CACNA2D3: variants seen among roughly 807,000 people sequenced by gnomAD.
CACNA2D3 encodes voltage-dependent calcium channel subunit alpha-2/delta-3.
Under a neutral mutation model 160.6 loss-of-function variants are expected in CACNA2D3, and 60 were observed. The ratio of observed to expected loss-of-function variants is 0.37; its 90% confidence interval spans 0.30 to 0.46. The LOEUF is 0.46. Among genes scored for constraint, CACNA2D3 ranks in the 20% least tolerant of loss-of-function variants. The probability of loss-of-function intolerance (pLI) is 1.00; values close to 1 mark genes in which losing one functional copy is unlikely to be tolerated. For missense variants in CACNA2D3, 1,205 were observed against 1,365.0 expected, an observed-to-expected ratio of 0.88 and a Z score of 1.85; for synonymous variants, 558 against 492.9, an observed-to-expected ratio of 1.13 and a Z score of -1.75.
intron 3 of CACNA2D3, among the ~76,000 whole-genome samples, chr3:54,371,320 G>A (rs949101053): frequency 1.3e-5 from 2 of 151,964 alleles, no homozygotes; most frequent in Non-Finnish European, 1.5e-5. Flanking sequence ...TACATTTCTA[G>A]GAACACTTTA....
chr3:54,504,638 A>G (rs1330710882), intron 5 of CACNA2D3, among the ~76,000 whole-genome samples: 1 of 152,186 alleles, frequency 6.6e-6, no homozygotes, highest in Non-Finnish European at 1.5e-5. Flanking sequence ...TGGAATCTTC[A>G]AAGTAAAAAA....
At chr3:54,277,480 G>C (rs1194983866) in intron 2 of CACNA2D3, among the ~76,000 whole-genome samples, 1 of 152,048 alleles carries the variant, frequency 6.6e-6, no homozygotes, top group African/African-American at 2.4e-5. Flanking sequence ...CTGTTCCATT[G>C]GTCTATATAT....
At chr3:54,622,239 A>T (rs1341737834) in intron 9 of CACNA2D3, among the ~76,000 whole-genome samples, 1 of 152,180 alleles carries the variant, frequency 6.6e-6, no homozygotes, top group Non-Finnish European at 1.5e-5. Context: ...TATAACCAGC[A>T]CTGGAACTCA....
intron 35 of CACNA2D3, among the ~76,000 whole-genome samples, chr3:55,038,114 A>T (rs749983009): frequency 1.1e-4 from 17 of 152,184 alleles, no homozygotes; most frequent in Admixed American, 3.3e-4. Context: ...GTGCTGTTTT[A>T]TCCAAATAGA....
intron 11 of CACNA2D3, among the ~76,000 whole-genome samples, chr3:54,676,858 T>C (rs1264274731): frequency 2.6e-5 from 4 of 152,296 alleles, no homozygotes; most frequent in Non-Finnish European, 5.9e-5. Context: ...CCATCTCCCT[T>C]GCATTTAACT....
At chr3:54,477,180 T>C (rs1358803240) in intron 4 of CACNA2D3, among the ~76,000 whole-genome samples, 1 of 152,114 alleles carries the variant, frequency 6.6e-6, no homozygotes, top group Non-Finnish European at 1.5e-5. Context: ...TTAGCTCATA[T>C]GTAAAGTGAT....
intron 2 of CACNA2D3, among the ~76,000 whole-genome samples, chr3:54,279,909 C>G (rs10446477): frequency 1.3e-5 from 2 of 151,902 alleles, no homozygotes; most frequent in Admixed American, 6.6e-5. Context: ...CATTTTTACA[C>G]GAAGCAAAGG....
In CACNA2D3 at chr3:54,709,011, CT is replaced by C. The variant is rs35102613; in HGVS notation, c.1168-43573del. Reference sequence around the variant, plus strand: ...AACCTAATTCTATACCCATCTTCATCTTTTTTTTTTTTTTTCAAGATGGAGT... The same window carrying C: ...AACCTAATTCTATACCCATCTTCATCTTTTTTTTTTTTTTCAAGATGGAGT... On this transcript the variant is annotated intron_variant, in intron 11 of 37. Coordinates refer to ENST00000474759, the MANE Select transcript of CACNA2D3 (RefSeq NM_018398.3). Among the ~76,000 whole-genome samples, 481 of 142,006 alleles carry C rather than the reference CT, an allele frequency of 3.4e-3. 1 individual carries two copies. Among genetic ancestry groups the C allele is most frequent in the African/African-American group, 3.7e-3 (140 of 38,246 alleles). The allele number at this position is 142,006 out of a possible 152,430, so 93.2% of individuals were successfully genotyped here. A position where few individuals can be genotyped will look rare whatever the true frequency, so the allele number is the denominator to read the frequency against.
At chr3:54,407,844 G>T (rs944399130) in intron 4 of CACNA2D3, among the ~76,000 whole-genome samples, 5 of 152,142 alleles carry the variant, frequency 3.3e-5, no homozygotes, top group African/African-American at 1.2e-4. Flanking sequence ...TTCATTCCCA[G>T]CTGGACCATT....
At chr3:54,653,295 C>A (rs760787846) in intron 11 of CACNA2D3, among the ~76,000 whole-genome samples, 1 of 152,214 alleles carries the variant, frequency 6.6e-6, no homozygotes, top group Non-Finnish European at 1.5e-5. Context: ...CTATTTCTCA[C>A]TGCTGTTTCA....
intron 9 of CACNA2D3, among the ~76,000 whole-genome samples, chr3:54,586,947 A>G (rs932122880): frequency 6.6e-6 from 1 of 152,086 alleles, no homozygotes; most frequent in African/African-American, 2.4e-5. Context: ...GTCTTAAAAG[A>G]AATTAAAAAA....
rs370438389 is a variant in CACNA2D3 at position 54,363,173 on chromosome 3, G to A, written c.322-23542G>A. Reference sequence around the variant, plus strand: ...TTGCGCCACTGCACTCCAGCCTAGCGATAGAGCGAGACTCCATCTCCAAAT... The same window carrying A: ...TTGCGCCACTGCACTCCAGCCTAGCAATAGAGCGAGACTCCATCTCCAAAT... On this transcript the variant is annotated intron_variant, in intron 3 of 37. Transcript: ENST00000474759. 9.2e-5 allele frequency among the ~76,000 whole-genome samples: 14 copies of A among 151,590 alleles called. No individual in the cohort carries two copies. The South Asian group carries it at 2.5e-3, about 27-fold the overall frequency.
At chr3:54,825,238 C>T (rs1237979118) in intron 14 of CACNA2D3, among the ~76,000 whole-genome samples, 2 of 152,052 alleles carry the variant, frequency 1.3e-5, no homozygotes, top group Non-Finnish European at 2.9e-5. Flanking sequence ...CTTACATCCT[C>T]GAAGATATAA....
chr3:54,895,839 C>G (rs1700175854), intron 25 of CACNA2D3, among the ~76,000 whole-genome samples: 1 of 152,190 alleles, frequency 6.6e-6, no homozygotes, highest in Non-Finnish European at 1.5e-5. Context: ...GAGGGAATGT[C>G]AGGTCAATAA....
At chr3:54,521,373 T>A (rs1701643852) in intron 5 of CACNA2D3, among the ~76,000 whole-genome samples, 1 of 152,204 alleles carries the variant, frequency 6.6e-6, no homozygotes, top group Admixed American at 6.5e-5. Context: ...TTTAGATCCT[T>A]TGTTCATCTT....
At chr3:54,855,359 A>C (rs1699146460) in intron 17 of CACNA2D3, among the ~76,000 whole-genome samples, 1 of 152,024 alleles carries the variant, frequency 6.6e-6, no homozygotes, top group African/African-American at 2.4e-5. Context: ...ACTGTTTCTA[A>C]CTTCAGGGTG....
At chr3:54,709,031 A>G (rs918908085) in intron 11 of CACNA2D3, among the ~76,000 whole-genome samples, 2 of 146,574 alleles carry the variant, frequency 1.4e-5, no homozygotes, top group African/African-American at 5.0e-5. Context: ...TTTTTTCAAG[A>G]TGGAGTCTTG....
At chr3:54,939,466 A>AT (rs1265880474) in intron 27 of CACNA2D3, among the ~76,000 whole-genome samples, 1 of 152,202 alleles carries the variant, frequency 6.6e-6, no homozygotes, top group Non-Finnish European at 1.5e-5. Context: ...GGGCCAAGAC[A>AT]TTCACCTTTG....
At chr3:54,751,782 C>A (rs904130680) in intron 11 of CACNA2D3, among the ~76,000 whole-genome samples, 4 of 152,182 alleles carry the variant, frequency 2.6e-5, no homozygotes, top group African/African-American at 2.4e-5. Flanking sequence ...AAAGAGGTGG[C>A]CACAGGCTGC....
Sources: gnomAD v4.1 joint callset for allele counts (sites outside exome capture counted in the v4.1 genomes callset) on GRCh38, gnomAD v4.1.1 for gene constraint, MANE v1.5 for transcripts, NCBI Gene and HGNC (gene_info 2026-07-23, HGNC 2026-07-21) for gene names.